The following AIF1L variants were observed in gnomAD, a reference collection of about 807,000 sequenced individuals.
AIF1L encodes the protein allograft inflammatory factor 1-like.
AIF1L carries 12 observed loss-of-function variants against 20.7 expected under a neutral mutation model. The ratio of observed to expected loss-of-function variants is 0.58; its 90% CI spans 0.37 to 0.94. The LOEUF is 0.94. Ranked by LOEUF, AIF1L falls within the 40% of genes least tolerant of loss-of-function variation. AIF1L has a pLI of 0.01. For synonymous variants in AIF1L, 76 were observed against 65.1 expected, an observed-to-expected ratio of 1.17 and a Z score of -0.81; for missense variants, 173 against 185.3, an observed-to-expected ratio of 0.93 and a Z score of 0.39.
chr9:131,096,710 C>CGG, intron 1 of AIF1L, 50 bp downstream of exon 1: 2 of 1,446,638 alleles, frequency 1.4e-6, no homozygotes, highest in Non-Finnish European at 1.8e-6. Context: ...GGGCGGACCG[C>CGG]GGGGTCCACC....
intron 4 of AIF1L, among the ~76,000 whole-genome samples, chr9:131,117,138 T>A (rs1467080460): frequency 6.6e-6 from 1 of 152,170 alleles, no homozygotes; most frequent in Non-Finnish European, 1.5e-5. Context: ...TTGAATTTTG[T>A]TCTTTTGTTG....
intron 4 of AIF1L, among the ~76,000 whole-genome samples, chr9:131,116,091 A>G (rs1402232068): frequency 1.3e-5 from 2 of 152,156 alleles, no homozygotes; most frequent in Non-Finnish European, 2.9e-5. Flanking sequence ...CCCACCTCCC[A>G]GAAGTAACTG....
chr9:131,117,711 C>G, intron 4 of AIF1L, 45 bp from the exon 5 acceptor site: 1 of 1,535,810 alleles, frequency 6.5e-7, no homozygotes, highest in Non-Finnish European at 8.8e-7. Context: ...CTGCTAAGCC[C>G]CAGCAGCCCA....
chr9:131,101,490 G>A (rs1201975149), intron 2 of AIF1L, among the ~76,000 whole-genome samples: 1 of 151,960 alleles, frequency 6.6e-6, no homozygotes, highest in Non-Finnish European at 1.5e-5. Flanking sequence ...GGGACTATAG[G>A]CGTGCACCAC....
chr9:131,102,821 C>T (rs186873636), intron 2 of AIF1L: 100 of 451,426 alleles, frequency 2.2e-4, no homozygotes, highest in African/African-American at 1.3e-3. Flanking sequence ...TCCTACGCCC[C>T]GGCATGGTGC....
intron 2 of AIF1L, chr9:131,098,034 CT>C (rs1002867053): frequency 6.6e-6 from 1 of 152,446 alleles, no homozygotes; most frequent in Admixed American, 6.5e-5. Context: ...AAGTGGGCCG[CT>C]GGTGAGGTCA....
At chr9:131,100,845 C>T (rs566710668) in intron 2 of AIF1L, among the ~76,000 whole-genome samples, 2 of 152,298 alleles carry the variant, frequency 1.3e-5, no homozygotes, top group Non-Finnish European at 2.9e-5. Flanking sequence ...GCAGGAGGCG[C>T]TCAGGGGACA....
At chr9:131,114,456 G>T in intron 3 of AIF1L, 121 bp from the exon 4 acceptor site, 1 of 1,090,288 alleles carries the variant, frequency 9.2e-7, no homozygotes. Context: ...ACCCTTGGTA[G>T]GGTGCGGGAG....
At chr9:131,101,631 C>T (rs1383133989) in intron 2 of AIF1L, among the ~76,000 whole-genome samples, 1 of 152,064 alleles carries the variant, frequency 6.6e-6, no homozygotes, top group Non-Finnish European at 1.5e-5. Flanking sequence ...AGGCATACAT[C>T]ACTGTGCCGG....
Position 131,106,131 on chromosome 9 carries a change from C to G in AIF1L, c.94-5466C>G, listed in dbSNP as rs1830741390. Reference sequence around the variant, plus strand: ...TATGCTGGGCACTTCGACGCTAAACCTGTGGCTGGGGCCCTGCCTCCTCCG... The same window carrying G: ...TATGCTGGGCACTTCGACGCTAAACGTGTGGCTGGGGCCCTGCCTCCTCCG... On this transcript the variant is annotated intron_variant, in intron 2 of 5. Transcript: ENST00000247291. 8 of 1,517,452 alleles carry G rather than the reference C, an allele frequency of 5.3e-6. No homozygotes were observed. The African/African-American group carries it at 9.6e-5, about 18-fold the overall frequency. 94.0% of individuals were successfully genotyped at this position (1,517,452 alleles called of 1,614,324 possible).
chr9:131,116,962 A>C (rs1412635572), intron 4 of AIF1L, among the ~76,000 whole-genome samples: 1 of 152,158 alleles, frequency 6.6e-6, no homozygotes, highest in East Asian at 1.9e-4. Flanking sequence ...TGGCTGCGCC[A>C]CGGCCCATGG....
intron 2 of AIF1L, among the ~76,000 whole-genome samples, chr9:131,110,850 T>G (rs1468746652): frequency 1.3e-5 from 2 of 152,124 alleles, no homozygotes; most frequent in Non-Finnish European, 2.9e-5. Flanking sequence ...GATTCTCATT[T>G]GGTAGATAAG....
intron 2 of AIF1L, among the ~76,000 whole-genome samples, chr9:131,105,833 GC>G (rs1339973822): frequency 4.5e-4 from 18 of 40,124 alleles, no homozygotes; most frequent in Non-Finnish European, 8.7e-4. Context: ...TGTTGTTGTT[GC>G]TTTTTTTTTT....
chr9:131,106,059 T>G lies in AIF1L; in HGVS notation c.94-5538T>G, dbSNP rs939417111. 38 of 1,029,306 alleles carry G rather than the reference T, an allele frequency of 3.7e-5. 1 individual carries two copies. The Middle Eastern group carries it at 1.3e-3, about 34-fold the overall frequency. The allele number at this position is 1,029,306 out of a possible 1,614,324, so 63.8% of individuals were successfully genotyped here. A position where few individuals can be genotyped will look rare whatever the true frequency, so the allele number is the denominator to read the frequency against. On this transcript the variant is annotated intron_variant, in intron 2 of 5. Transcript: ENST00000247291. ...ACTTCAAACTTCTGGCCTCAAGTGA[T>G]CCTCCCTCCTCGGGCTCCTCAACAG...
At chr9:131,116,760 A>G (rs2133405610) in intron 4 of AIF1L, among the ~76,000 whole-genome samples, 1 of 152,352 alleles carries the variant, frequency 6.6e-6, no homozygotes, top group African/African-American at 2.4e-5. Flanking sequence ...GGAAGGGGAC[A>G]CTGGGTCAAA....
At position 131,120,453 on chromosome 9, in the gene AIF1L, A is replaced by G. The variant is rs1831111430; in HGVS notation, c.*131A>G. On this transcript the variant is annotated 3_prime_UTR_variant, in exon 6 of 6. Coordinates refer to ENST00000247291, the MANE Select transcript of AIF1L (RefSeq NM_031426.4). ...TGAGGGTTTGTTTGTGTTTTCATCA[A>G]TGTCTTTGTAAAGCACAAATTATCT... 6.4e-6 allele frequency: 5 copies of G among 777,978 alleles called. No homozygotes were observed. Among genetic ancestry groups the G allele is most frequent in the Non-Finnish European group, 1.0e-5 (5 of 498,720 alleles). The allele number at this position is 777,978 out of a possible 1,614,324, so 48.2% of individuals were successfully genotyped here.
In AIF1L at chr9:131,108,349, GC is replaced by G. The variant is rs1329487871; in HGVS notation, c.94-3243del. ...CAAGTAGCTGGGATTACAGGCACACGCCCCCATGCCCGGCTAATTTTTGGAC... is the reference window on the plus strand; with the variant it reads ...CAAGTAGCTGGGATTACAGGCACACGCCCCATGCCCGGCTAATTTTTGGAC... On this transcript the variant is annotated intron_variant, in intron 2 of 5. Transcript: ENST00000247291. Among the ~76,000 whole-genome samples, 20 of 151,952 alleles carry G rather than the reference GC, an allele frequency of 1.3e-4. No individual in the cohort carries two copies. The East Asian group carries it at 3.9e-3, about 29-fold the overall frequency.
intron 2 of AIF1L, among the ~76,000 whole-genome samples, chr9:131,100,116 C>T (rs1046809329): frequency 6.6e-6 from 1 of 152,150 alleles, no homozygotes; most frequent in Admixed American, 6.5e-5. Flanking sequence ...AATCTCAGCT[C>T]ATTGCAGCCT....
At chr9:131,096,744 G>A (rs2478784) in intron 1 of AIF1L, 58 bp from the exon 2 acceptor site, 2 of 1,487,622 alleles carry the variant, frequency 1.3e-6, no homozygotes, top group Non-Finnish European at 1.8e-6. Flanking sequence ...GGGCGGGGAC[G>A]GGGGCGCGTG....
Sources: allele counts gnomAD v4.1 joint callset (sites outside exome capture counted in the v4.1 genomes callset), GRCh38; gene constraint gnomAD v4.1.1; transcripts MANE v1.5; gene names NCBI Gene and HGNC (gene_info 2026-07-23, HGNC 2026-07-21).